ELL: variants seen among roughly 807,000 people sequenced by gnomAD.
ELL encodes RNA polymerase II elongation factor ELL.
ELL carries 18 observed loss-of-function variants against 64.0 expected under a neutral mutation model. That is an observed-to-expected ratio of 0.28 (90% CI 0.19 to 0.42). The LOEUF is 0.42. Among genes scored for constraint, ELL ranks in the 10% least tolerant of loss-of-function variants. ELL has a pLI of 1.00. For missense variants in ELL, 797 were observed against 870.4 expected (o/e 0.92, Z 1.06); for synonymous variants, 399 against 376.2 (o/e 1.06, Z -0.70).
chr19:18,472,905 A>G, intron 1 of ELL, 23 bp from the exon 2 acceptor site: 1 of 1,563,132 alleles, frequency 6.4e-7, no homozygotes, highest in East Asian at 2.3e-5. Context: ...AAAAAAAAAA[A>G]AAAAGGTGAG....
intron 9 of ELL, 116 bp from the exon 10 acceptor site, chr19:18,446,596 G>T: frequency 6.7e-7 from 1 of 1,495,610 alleles, no homozygotes. Flanking sequence ...CCTGGATTAT[G>T]AGGGGGCCTG....
intron 1 of ELL, among the ~76,000 whole-genome samples, chr19:18,498,323 T>C (rs1975705227): frequency 6.6e-6 from 1 of 152,120 alleles, no homozygotes. Context: ...ATTTCTGACC[T>C]AAAATTAGAT....
intron 1 of ELL, among the ~76,000 whole-genome samples, chr19:18,493,338 T>C (rs1369634887): frequency 6.6e-6 from 1 of 152,220 alleles, no homozygotes; most frequent in Non-Finnish European, 1.5e-5. Flanking sequence ...GGCTCTGTGC[T>C]GCGGCCCTGA....
Position 18,482,761 on chromosome 19 carries a change from T to TGG in ELL, c.136-9880_136-9879insCC, listed in dbSNP as rs1454758564. Among the ~76,000 whole-genome samples the TGG allele has an allele frequency of 8.5e-3, 1,202 of 141,440 alleles. 8 individuals are homozygous for TGG. The highest frequency in any genetic ancestry group is 0.031 in the African/African-American group (1,066 of 34,220). The allele number at this position is 141,440 out of a possible 152,430, so 92.8% of individuals were successfully genotyped here. On this transcript the variant is annotated intron_variant, in intron 1 of 11. Coordinates refer to ENST00000262809, the MANE Select transcript of ELL (RefSeq NM_006532.4). The stretch of plus-strand genomic sequence containing the variant: ...GTCTTAGTTCCTCCCATCTTTTTGG[T>TGG]TTTTGTTGTTGTTGTTGTTGTTGTT...
At chr19:18,479,546 T>C (rs1975250113) in intron 1 of ELL, among the ~76,000 whole-genome samples, 1 of 151,462 alleles carries the variant, frequency 6.6e-6, no homozygotes, top group Non-Finnish European at 1.5e-5. Context: ...CCATCTCTAC[T>C]AAAAATACAA....
chr19:18,513,271 G>A (rs549280873), intron 1 of ELL, among the ~76,000 whole-genome samples: 3 of 152,272 alleles, frequency 2.0e-5, no homozygotes, highest in South Asian at 4.1e-4. Context: ...GCCTCACTAC[G>A]GGACAGTGGA....
chr19:18,510,769 A>C lies in ELL; in HGVS notation c.135+11152T>G, dbSNP rs139350194. 3.1e-3 allele frequency among the ~76,000 whole-genome samples: 466 copies of C among 152,336 alleles called. 1 individual carries two copies. The highest frequency in any genetic ancestry group is 4.7e-3 in the Non-Finnish European group (321 of 68,034). On this transcript the variant is annotated intron_variant, in intron 1 of 11. Coordinates refer to ENST00000262809, the MANE Select transcript of ELL (RefSeq NM_006532.4). ...CCTTGTGCACGGCTGGTGGGAATGT[A>C]AAATGCTGCAGCCGCTGTGGAAAAC...
chr19:18,519,334 G>A (rs999335502), intron 1 of ELL, among the ~76,000 whole-genome samples: 2 of 152,198 alleles, frequency 1.3e-5, no homozygotes, highest in East Asian at 1.9e-4. Flanking sequence ...TGGCTTCTGG[G>A]TGATAGAGTT....
intron 4 of ELL, among the ~76,000 whole-genome samples, chr19:18,463,785 T>A (rs1974881402): frequency 6.6e-6 from 1 of 151,616 alleles, no homozygotes; most frequent in Admixed American, 6.6e-5. Flanking sequence ...GAGACCGTCC[T>A]GGCTAACACG....
chr19:18,450,509 T>G lies in ELL; in HGVS notation c.1433A>C (p.His478Pro). ...AQLPDCAPAT[H>P]ATPGAPADTP... ...GTCTGCTGGGGCTCCGGGGGTGGCA[T>G]GGGTGGCAGGTGCACAGTCTGGAAG... The change falls in exon 8 of 12, where the codon CAT becomes CCT. Residue 478 changes from histidine (H) to proline (P), a missense_variant. His to Pro is a moderately conservative substitution (Grantham distance 77). Coordinates refer to ENST00000262809, the MANE Select transcript of ELL (RefSeq NM_006532.4). 6.2e-7 allele frequency: 1 copy of G among 1,613,082 alleles called. No individual in the cohort carries two copies. The highest frequency in any genetic ancestry group is 8.5e-7 in the Non-Finnish European group (1 of 1,179,898).
At chr19:18,503,329 A>T (rs1311549583) in intron 1 of ELL, among the ~76,000 whole-genome samples, 1 of 152,176 alleles carries the variant, frequency 6.6e-6, no homozygotes, top group Non-Finnish European at 1.5e-5. Flanking sequence ...ATTTCTGGAA[A>T]AGGCAACTGG....
intron 1 of ELL, among the ~76,000 whole-genome samples, chr19:18,485,018 G>C (rs1330627090): frequency 6.6e-6 from 1 of 152,168 alleles, no homozygotes; most frequent in Non-Finnish European, 1.5e-5. Context: ...CTAGCCCTGG[G>C]TTCCTGACGT....
chr19:18,471,724 G>T (rs1022869452), intron 2 of ELL, among the ~76,000 whole-genome samples: 4 of 152,192 alleles, frequency 2.6e-5, no homozygotes, highest in Admixed American at 1.3e-4. Flanking sequence ...GGGAGATGAA[G>T]AGTCCTAAAA....
chr19:18,469,559 T>G (rs1386344486), intron 2 of ELL, among the ~76,000 whole-genome samples: 1 of 152,194 alleles, frequency 6.6e-6, no homozygotes, highest in Non-Finnish European at 1.5e-5. Context: ...CATGGGGCCC[T>G]CAGATGGCCC....
intron 7 of ELL, 59 bp from the exon 8 acceptor site, chr19:18,451,034 C>CA: frequency 6.8e-7 from 1 of 1,471,812 alleles, no homozygotes; most frequent in Non-Finnish European, 9.0e-7. Context: ...CAGCAACAGG[C>CA]AATCCCCTGG....
chr19:18,454,626 A>T (rs1213667947), intron 6 of ELL, among the ~76,000 whole-genome samples: 1 of 151,514 alleles, frequency 6.6e-6, no homozygotes, highest in African/African-American at 2.4e-5. Flanking sequence ...AGATTACCTG[A>T]GGTTGGGAGT....
At chr19:18,471,068 G>T (rs531831573) in intron 2 of ELL, 42 of 441,430 alleles carry the variant, frequency 9.5e-5, no homozygotes, top group African/African-American at 7.8e-4. Flanking sequence ...GTACAACATG[G>T]TAACTCTAAA....
Position 18,507,421 on chromosome 19 carries a change from A to T in ELL, c.135+14500T>A, listed in dbSNP as rs544514181. Among the ~76,000 whole-genome samples, 358 of 152,354 alleles carry T rather than the reference A, an allele frequency of 2.3e-3. 1 individual carries two copies. Among genetic ancestry groups the T allele is most frequent in the African/African-American group, 8.2e-3 (343 of 41,584 alleles). On this transcript the variant is annotated intron_variant, in intron 1 of 11. Transcript: ENST00000262809. ...AGTCCTCCTCTGAGTCTTTCAAGCC[A>T]CTGGTATCTAACAAAGAATCTAATC... is the stretch of plus-strand genomic sequence containing the variant.
In ELL at chr19:18,446,242, G is replaced by A. The variant is rs1199775351; in HGVS notation, c.1704+67C>T. The A allele has an allele frequency of 1.6e-5, 24 of 1,463,812 alleles. No homozygotes were observed. In the South Asian group the frequency reaches 3.0e-4, roughly 18 times the overall value. The allele number at this position is 1,463,812 out of a possible 1,614,324, so 90.7% of individuals were successfully genotyped here. A position where few individuals can be genotyped will look rare whatever the true frequency, so the allele number is the denominator to read the frequency against. On this transcript the variant is annotated intron_variant, in intron 10 of 11. Transcript: ENST00000262809. ...GGCCACCAAGCTCGTGGTGGCGATG[G>A]TGCGCGCCCAAGTGGGCCCTGGCTC...
Sources: gnomAD v4.1 joint callset for allele counts (sites outside exome capture counted in the v4.1 genomes callset) on GRCh38, gnomAD v4.1.1 for gene constraint, MANE v1.5 for transcripts, NCBI Gene and HGNC (gene_info 2026-07-23, HGNC 2026-07-21) for gene names.